Variants in SHLD1 observed in about 807,000 individuals in gnomAD.
SHLD1 encodes the protein RINN1-REV7-interacting novel NHEJ regulator 3.
Under a neutral mutation model 5.5 loss-of-function variants are expected in SHLD1, and 3 were observed. The observed-to-expected ratio is 0.54, with a 90% CI of 0.25 to 1.40. The LOEUF (loss-of-function observed/expected upper bound fraction) is 1.40, where lower values mean the gene tolerates loss of function less well. SHLD1 is among the 40% of genes most tolerant of loss of function. SHLD1 has a pLI of 0.15. For missense variants in SHLD1, 210 were observed against 244.4 expected (o/e 0.86, Z 0.94); for synonymous variants, 92 against 94.3 (o/e 0.98, Z 0.14).
intron 1 of SHLD1, among the ~76,000 whole-genome samples, chr20:5,768,140 A>G (rs1212772600): frequency 6.6e-6 from 1 of 151,938 alleles, no homozygotes; most frequent in Non-Finnish European, 1.5e-5. Flanking sequence ...ATGCCCAGCT[A>G]ATTTTATAGT....
chr20:5,794,322 T>C (rs2087182032), intron 2 of SHLD1, among the ~76,000 whole-genome samples: 1 of 152,230 alleles, frequency 6.6e-6, no homozygotes, highest in Non-Finnish European at 1.5e-5. Context: ...TTACAACTAG[T>C]GCTGCTACTG....
In SHLD1 at chr20:5,863,426, A is replaced by C; in HGVS notation, c.581A>C (p.His194Pro). ...PNPGLSKDITHFLLQQNVMKD... is the reference protein window; with the variant it reads ...PNPGLSKDITPFLLQQNVMKD... ...CCAGGACTGTCAAAGGATATTACTC[A>C]TTTCCTCTTGCAGCAGAATGTAATG... Residue 194 changes from histidine (H) to proline (P), a missense_variant, in exon 3 of 3, where the codon CAT (histidine) becomes CCT (proline). His to Pro is a moderately conservative substitution (Grantham distance 77). Transcript: ENST00000303142. 2.5e-6 allele frequency: 4 copies of C among 1,610,634 alleles called. No individual in the cohort carries two copies. Among genetic ancestry groups the C allele is most frequent in the Non-Finnish European group, 3.4e-6 (4 of 1,178,514 alleles).
chr20:5,848,256 A>G lies in SHLD1; in HGVS notation c.179-14768A>G, dbSNP rs537278320. On this transcript the variant is annotated intron_variant, in intron 2 of 2. Transcript: ENST00000303142. ...TTTATATGGTATCAAAAATGGGCTG[A>G]GGGCTGGGCATGGTGGCTCATGCCT... Among the ~76,000 whole-genome samples, 9 of 152,288 alleles carry G rather than the reference A, an allele frequency of 5.9e-5. No homozygotes were observed. In the East Asian group the frequency reaches 1.7e-3, roughly 29 times the overall value.
chr20:5,808,520 TAAG>T (rs2087414922), intron 2 of SHLD1, among the ~76,000 whole-genome samples: 1 of 152,268 alleles, frequency 6.6e-6, no homozygotes, highest in Non-Finnish European at 1.5e-5. Flanking sequence ...ATTGCTATAA[TAAG>T]GCAGCTTGCC....
At chr20:5,783,388 T>C (rs1344709632) in intron 2 of SHLD1, among the ~76,000 whole-genome samples, 1 of 152,142 alleles carries the variant, frequency 6.6e-6, no homozygotes, top group African/African-American at 2.4e-5. Context: ...CACACCCGGC[T>C]AATTTTTGTA....
chr20:5,863,168 A>G lies in SHLD1; in HGVS notation c.323A>G (p.His108Arg), dbSNP rs780872261. 1 of 1,614,208 alleles carries G rather than the reference A, an allele frequency of 6.2e-7. No homozygotes were observed. The highest frequency in any genetic ancestry group is 8.5e-7 in the Non-Finnish European group (1 of 1,180,028). Residue 108 changes from histidine to arginine, a missense_variant, in exon 3 of 3, where the codon CAT becomes CGT. By Grantham distance (29) the His-to-Arg change is conservative. Coordinates refer to ENST00000303142, the MANE Select transcript of SHLD1 (RefSeq NM_152504.4). ...GATAGATTCTATGAAATGTTTGGTC[A>G]TCCACAGCCAGGCTCTGCAAACTCA... ...SLDRFYEMFG[H>R]PQPGSANSLS... is the part of the protein sequence containing the mutation.
At chr20:5,769,583 C>T (rs1356856868) in intron 1 of SHLD1, among the ~76,000 whole-genome samples, 1 of 152,178 alleles carries the variant, frequency 6.6e-6, no homozygotes, top group Non-Finnish European at 1.5e-5. Context: ...AGGAGATGAA[C>T]AACAAAACTA....
At chr20:5,826,599 G>C (rs898313912) in intron 2 of SHLD1, among the ~76,000 whole-genome samples, 3 of 152,048 alleles carry the variant, frequency 2.0e-5, no homozygotes, top group African/African-American at 4.8e-5. Flanking sequence ...AACATCTCCA[G>C]CTCTGAAGTC....
chr20:5,837,976 G>A (rs1007035079), intron 2 of SHLD1, among the ~76,000 whole-genome samples: 2 of 152,064 alleles, frequency 1.3e-5, no homozygotes, highest in Non-Finnish European at 2.9e-5. Context: ...AACAAAGCAG[G>A]CAAAGACGGA....
intron 2 of SHLD1, among the ~76,000 whole-genome samples, chr20:5,781,363 A>T (rs1438796289): frequency 1.3e-5 from 2 of 152,074 alleles, no homozygotes; most frequent in African/African-American, 4.8e-5. Flanking sequence ...GTACCACTGC[A>T]CTCTAGCCTG....
intron 1 of SHLD1, among the ~76,000 whole-genome samples, chr20:5,762,192 C>T (rs898590324): frequency 2.0e-5 from 3 of 151,298 alleles, no homozygotes; most frequent in Non-Finnish European, 2.9e-5. Context: ...GCAGAGGTTG[C>T]AGTGAGCCGA....
intron 2 of SHLD1, among the ~76,000 whole-genome samples, chr20:5,837,462 C>G (rs905783123): frequency 6.6e-6 from 1 of 152,076 alleles, no homozygotes; most frequent in Non-Finnish European, 1.5e-5. Flanking sequence ...TCCCTCCCCC[C>G]ACACACCCCC....
intron 2 of SHLD1, among the ~76,000 whole-genome samples, chr20:5,859,877 G>A (rs1191287259): frequency 2.0e-5 from 3 of 152,158 alleles, no homozygotes; most frequent in African/African-American, 7.2e-5. Context: ...AGCCTCTTTT[G>A]TGGACACTGG....
chr20:5,852,675 C>T (rs573929545), intron 2 of SHLD1, among the ~76,000 whole-genome samples: 1 of 152,202 alleles, frequency 6.6e-6, no homozygotes, highest in African/African-American at 2.4e-5. Flanking sequence ...GTCTCTAACT[C>T]CTGACCTCAA....
chr20:5,862,121 A>T (rs768178677), intron 2 of SHLD1, among the ~76,000 whole-genome samples: 1 of 152,206 alleles, frequency 6.6e-6, no homozygotes, highest in African/African-American at 2.4e-5. Flanking sequence ...TACCTCCTAA[A>T]AAGCCCTCTC....
chr20:5,771,193 G>A (rs1600104418), intron 1 of SHLD1, among the ~76,000 whole-genome samples: 2 of 152,108 alleles, frequency 1.3e-5, no homozygotes, highest in Non-Finnish European at 2.9e-5. Flanking sequence ...CATGCTTTAT[G>A]CCCTGGTGCT....
chr20:5,756,588 T>C (rs1984114739), intron 1 of SHLD1: 1 of 157,174 alleles, frequency 6.4e-6, no homozygotes, highest in Non-Finnish European at 1.4e-5. Flanking sequence ...TGAATGATTT[T>C]TCTGCATTGA....
intron 2 of SHLD1, among the ~76,000 whole-genome samples, chr20:5,796,033 A>G (rs543343235): frequency 1.6e-4 from 24 of 152,216 alleles, no homozygotes; most frequent in Admixed American, 8.5e-4. Context: ...CTATTCCGGA[A>G]CAGTAGATAT....
chr20:5,851,741 C>T (rs959683810), intron 2 of SHLD1, among the ~76,000 whole-genome samples: 1 of 151,752 alleles, frequency 6.6e-6, no homozygotes, highest in Non-Finnish European at 1.5e-5. Context: ...TATTTGATAT[C>T]GTTTGGATGT....
Sources: gnomAD v4.1 joint callset for allele counts (sites outside exome capture counted in the v4.1 genomes callset) on GRCh38, gnomAD v4.1.1 for gene constraint, MANE v1.5 for transcripts, NCBI Gene and HGNC (gene_info 2026-07-23, HGNC 2026-07-21) for gene names.